Variants in LAMA5 observed in about 807,000 individuals in gnomAD.
LAMA5 encodes the protein laminin subunit alpha-5.
LAMA5 carries 260 observed loss-of-function variants against 433.4 expected under a neutral mutation model. That is an observed-to-expected ratio of 0.60 (90% CI 0.54 to 0.66). The LOEUF (loss-of-function observed/expected upper bound fraction) is 0.66, where lower values mean the gene tolerates loss of function less well. Among genes scored for constraint, LAMA5 ranks in the 30% least tolerant of loss-of-function variants. The pLI is 0.00. For synonymous variants in LAMA5, 2,620 were observed against 2,226.6 expected, an observed-to-expected ratio of 1.18 and a Z score of -4.97; for missense variants, 5,378 against 5,258.5, an observed-to-expected ratio of 1.02 and a Z score of -0.70.
rs201317275 is a variant in LAMA5 at position 62,316,963 on chromosome 20, G to C, written c.7572C>G (p.Ala2524=). The change falls in exon 56 of 80, where the codon GCC becomes GCG. Residue 2524 remains alanine (A), a synonymous_variant. Transcript: ENST00000252999. ...LTQRAIEASN[A]YSRILQAVQA... ...GCACGGCCTGCAGGATGCGGCTGTA[G>C]GCGTTGGAGGCCTCGATGGCCCTCT... 26 of 1,567,834 alleles carry C rather than the reference G, an allele frequency of 1.7e-5. No individual in the cohort carries two copies. The East Asian group carries it at 5.9e-4, about 36-fold the overall frequency.
At position 62,351,897 on chromosome 20, in the gene LAMA5, T is replaced by C. The variant is rs1601408230; in HGVS notation, c.858+12A>G. 3 of 1,592,308 alleles carry C rather than the reference T, an allele frequency of 1.9e-6. No individual in the cohort carries two copies. The highest frequency in any genetic ancestry group is 2.6e-6 in the Non-Finnish European group (3 of 1,170,692). On this transcript the variant is annotated intron_variant, in intron 5 of 79. Coordinates refer to ENST00000252999, the MANE Select transcript of LAMA5 (RefSeq NM_005560.6). Reference sequence around the variant, plus strand: ...CAGTCCCCCTCCCCCGCCTGCGCCATGGGCAGCTCACCCGGCGGGTGACCG... The same window carrying C: ...CAGTCCCCCTCCCCCGCCTGCGCCACGGGCAGCTCACCCGGCGGGTGACCG...
chr20:62,315,947 C>A lies in LAMA5; in HGVS notation c.7867+1G>T. On this transcript the variant is annotated splice_donor_variant, in intron 58 of 79. Transcript: ENST00000252999. LOFTEE classifies it high-confidence loss of function. ...GAGAGCCGGGCCCAGGCTCCGCATA[C>A]CTGTGTCCATGGCAAGCATGGCCTG... 1 of 1,595,140 alleles carries A rather than the reference C, an allele frequency of 6.3e-7. No individual in the cohort carries two copies. Among genetic ancestry groups the A allele is most frequent in the African/African-American group, 1.3e-5 (1 of 74,878 alleles).
intron 45 of LAMA5, among the ~76,000 whole-genome samples, chr20:62,322,985 C>T (rs1238180426): frequency 6.6e-6 from 1 of 150,892 alleles, no homozygotes; most frequent in Non-Finnish European, 1.5e-5. Context: ...GCTCTGACGG[C>T]TGGTGTCCGC....
rs747108437 is a variant in LAMA5 at position 62,318,977 on chromosome 20, T to G, written c.6908A>C (p.Asn2303Thr). 6.3e-7 allele frequency: 1 copy of G among 1,594,062 alleles called. No individual in the cohort carries two copies. The highest frequency in any genetic ancestry group is 1.1e-5 in the South Asian group (1 of 88,914). ...MSQTGHLGLANASAPSGEQLL... is the reference protein window; with the variant it reads ...MSQTGHLGLATASAPSGEQLL... Reference sequence around the variant, plus strand: ...CTGCTCACCTGATGGAGCCGAGGCATTGGCCAGCCCCAGGTGGCCCGTCTG... The same window carrying G: ...CTGCTCACCTGATGGAGCCGAGGCAGTGGCCAGCCCCAGGTGGCCCGTCTG... The change falls in exon 52 of 80, where the codon AAT (asparagine) becomes ACT (threonine). Residue 2303 changes from asparagine to threonine, a missense_variant. Physicochemically the swap from Asn to Thr is moderately conservative, Grantham distance 65. Coordinates refer to ENST00000252999, the MANE Select transcript of LAMA5 (RefSeq NM_005560.6).
At position 62,346,815 on chromosome 20, in the gene LAMA5, G is replaced by C; in HGVS notation, c.1073-15C>G. The C allele has an allele frequency of 6.2e-7, 1 of 1,609,846 alleles. No homozygotes were observed. The highest frequency in any genetic ancestry group is 8.5e-7 in the Non-Finnish European group (1 of 1,177,724). ...GCAGTTACAGGCTAGAGAGAGGGGA[G>C]CGCAGCTGTTGGCACGCCCTCCACA... On this transcript the variant is annotated splice_polypyrimidine_tract_variant and intron_variant, in intron 7 of 79. Coordinates refer to ENST00000252999, the MANE Select transcript of LAMA5 (RefSeq NM_005560.6).
At chr20:62,362,601 C>A (rs1986266131) in intron 1 of LAMA5, 49 bp from the exon 2 acceptor site, 2 of 1,412,270 alleles carry the variant, frequency 1.4e-6, no homozygotes, top group African/African-American at 2.9e-5. Context: ...CCGGGGCCCC[C>A]TTCCTCCTCC....
chr20:62,314,268 G>C (rs1424990225), intron 62 of LAMA5, 36 bp downstream of exon 62: 1 of 1,603,892 alleles, frequency 6.2e-7, no homozygotes, highest in Non-Finnish European at 8.5e-7. Flanking sequence ...GGGCCCTGCA[G>C]TTGGAGGCAT....
In LAMA5 at chr20:62,352,167, C is replaced by T. The variant is rs550885341; in HGVS notation, c.687+75G>A. On this transcript the variant is annotated intron_variant, in intron 4 of 79. Coordinates refer to ENST00000252999, the MANE Select transcript of LAMA5 (RefSeq NM_005560.6). ...GGCCCACCTTTCCCTTCTCCAGCCC[C>T]GCTCGGCACTGCCCCTCCCCTACCC... is the stretch of plus-strand genomic sequence containing the variant. 3.7e-4 allele frequency: 590 copies of T among 1,576,330 alleles called. 8 individuals carry two copies. In the South Asian group the frequency reaches 5.6e-3, roughly 15 times the overall value.
At chr20:62,334,758 C>CTCAGGGCTCAGGGT (rs56242777) in intron 20 of LAMA5, 137 bp from the exon 21 acceptor site, 1 of 519,366 alleles carries the variant, frequency 1.9e-6, no homozygotes, top group African/African-American at 3.6e-5. Context: ...GGGCTCAGGG[C>CTCAGGGCTCAGGGT]GAGGGCGAGG....
At chr20:62,344,491 G>A (rs547045943) in intron 11 of LAMA5, among the ~76,000 whole-genome samples, 108 of 151,994 alleles carry the variant, frequency 7.1e-4, no homozygotes, top group African/African-American at 2.5e-3. Flanking sequence ...ATGGAGTCTC[G>A]CTCTGTCACC....
intron 6 of LAMA5, among the ~76,000 whole-genome samples, chr20:62,347,491 G>A (rs184412999): frequency 6.6e-6 from 1 of 152,314 alleles, no homozygotes; most frequent in East Asian, 1.9e-4. Flanking sequence ...GAAGGGAAAG[G>A]GGTCCATTTG....
intron 50 of LAMA5, 92 bp downstream of exon 50, chr20:62,320,467 C>A: frequency 2.1e-6 from 2 of 941,278 alleles, no homozygotes; most frequent in Non-Finnish European, 1.6e-6. Flanking sequence ...ATGTACGAGG[C>A]ATGAAGTAAC....
rs895259915 is a variant in LAMA5, at chr20:62,322,045, G to A, written c.6470C>T (p.Pro2157Leu). Residue 2157 changes from proline to leucine, a missense_variant, in exon 48 of 80, where the codon CCT (proline) becomes CTT (leucine). Pro to Leu is a moderately conservative substitution (Grantham distance 98). Coordinates refer to ENST00000252999, the MANE Select transcript of LAMA5 (RefSeq NM_005560.6). Reference protein sequence around the residue: ...QQHQVPVPGGPVGHSIHCEVC... With the variant: ...QQHQVPVPGGLVGHSIHCEVC... ...TTCACAGTGGATGCTGTGGCCCACA[G>A]GCCCGCCTGGAACAGGCACCTGATG... The A allele has an allele frequency of 1.3e-6, 2 of 1,599,326 alleles. No individual in the cohort carries two copies. Among genetic ancestry groups the A allele is most frequent in the South Asian group, 1.1e-5 (1 of 91,082 alleles).
At chr20:62,328,120 G>C in intron 35 of LAMA5, 110 bp from the exon 36 acceptor site, 3 of 1,524,274 alleles carry the variant, frequency 2.0e-6, no homozygotes, top group African/African-American at 1.4e-5. Context: ...GTGGAGGAGA[G>C]GGCGCTGCTG....
Position 62,317,494 on chromosome 20 carries a change from C to T in LAMA5, c.7362G>A (p.Leu2454=), listed in dbSNP as rs749894337. The T allele has an allele frequency of 1.9e-5, 30 of 1,541,696 alleles. 1 individual carries two copies. The South Asian group carries it at 3.7e-4, about 19-fold the overall frequency. The change falls in exon 55 of 80, where the codon CTG becomes CTA. Residue 2454 remains leucine (L), a synonymous_variant. Transcript: ENST00000252999. The part of the protein sequence containing the change: ...LHSLDQAKEE[L]ERLAASLDGA... ...CATCCAGGCTGGCGGCGAGGCGCTC[C>T]AGCTCCTGGAATTTGAGTGGACTTA...
At chr20:62,354,614 G>C (rs1011531985) in intron 2 of LAMA5, among the ~76,000 whole-genome samples, 1 of 152,114 alleles carries the variant, frequency 6.6e-6, no homozygotes, top group Non-Finnish European at 1.5e-5. Context: ...GCAAGAGGCT[G>C]CACCCAGGAG....
chr20:62,362,477 C>T lies in LAMA5; in HGVS notation c.373G>A (p.Glu125Lys). 6.2e-7 allele frequency: 1 copy of T among 1,605,092 alleles called. No individual in the cohort carries two copies. Residue 125 changes from glutamate to lysine, a missense_variant, in exon 2 of 80, where the codon GAG becomes AAG. Physicochemically the swap from Glu to Lys is moderately conservative, Grantham distance 56 (BLOSUM62 1). Transcript: ENST00000252999. ...AGCGGTGGACTCTGCCACCAGCGCTCCGTGCCATCGATGGCATTGCTCGCG... is the reference window on the plus strand; with the variant it reads ...AGCGGTGGACTCTGCCACCAGCGCTTCGTGCCATCGATGGCATTGCTCGCG... ...HPASNAIDGT[E>K]RWWQSPPLSR...
At chr20:62,325,854 C>A (rs1365946608) in intron 40 of LAMA5, among the ~76,000 whole-genome samples, 1 of 152,160 alleles carries the variant, frequency 6.6e-6, no homozygotes, top group Non-Finnish European at 1.5e-5. Context: ...CTTTCTTAAA[C>A]AAGATGCAAA....
At chr20:62,366,633 G>A (rs561446142) in intron 1 of LAMA5, among the ~76,000 whole-genome samples, 1 of 152,214 alleles carries the variant, frequency 6.6e-6, no homozygotes, top group Non-Finnish European at 1.5e-5. Flanking sequence ...GCCCTCCCCG[G>A]GATCCCGGAC....
Sources: gnomAD v4.1 joint callset for allele counts (sites outside exome capture counted in the v4.1 genomes callset) on GRCh38, gnomAD v4.1.1 for gene constraint, MANE v1.5 for transcripts, NCBI Gene and HGNC (gene_info 2026-07-23, HGNC 2026-07-21) for gene names.